Variants in TMEM30A observed in about 807,000 individuals in gnomAD.
TMEM30A encodes cell cycle control protein 50A.
Under a neutral mutation model 38.2 loss-of-function variants are expected in TMEM30A, and 24 were observed. The ratio of observed to expected loss-of-function variants is 0.63; its 90% CI spans 0.46 to 0.88. The LOEUF (loss-of-function observed/expected upper bound fraction) is 0.88. TMEM30A is among the 40% of genes least tolerant of loss of function. TMEM30A has a pLI of 0.00. For synonymous variants in TMEM30A, 145 were observed against 161.6 expected, an observed-to-expected ratio of 0.90 and a Z score of 0.78; for missense variants, 370 against 458.6, an observed-to-expected ratio of 0.81 and a Z score of 1.77.
At position 75,254,860 on chromosome 6, in the gene TMEM30A, C is replaced by G. The variant is rs889820096; in HGVS notation, c.*1242G>C. 6.6e-6 allele frequency: 1 copy of G among 152,446 alleles called. No individual in the cohort carries two copies. The highest frequency in any genetic ancestry group is 2.4e-5 in the African/African-American group (1 of 41,422). 9.4% of individuals were successfully genotyped at this position (152,446 alleles called of 1,614,324 possible). On this transcript the variant is annotated 3_prime_UTR_variant, in exon 7 of 7. Transcript: ENST00000230461. ...AAGTTCCATAGCAAACAAGTTACAGCATTTATTCAATAAGGAATATTAAAA... is the reference window on the plus strand; with the variant it reads ...AAGTTCCATAGCAAACAAGTTACAGGATTTATTCAATAAGGAATATTAAAA...
intron 6 of TMEM30A, among the ~76,000 whole-genome samples, chr6:75,258,426 A>T (rs957380030): frequency 4.6e-5 from 7 of 152,148 alleles, no homozygotes; most frequent in Admixed American, 1.3e-4. Context: ...ATATATTAAA[A>T]CAGCCCAGTA....
In TMEM30A at chr6:75,284,713, C is replaced by A; in HGVS notation, c.-75G>T. On this transcript the variant is annotated 5_prime_UTR_variant, in exon 1 of 7. Coordinates refer to ENST00000230461, the MANE Select transcript of TMEM30A (RefSeq NM_018247.4). ...CCCGCCGGCTGACCCTGACAGGAAC[C>A]GCTCGAGCGCCGCTGCCGCCGCCGC... 1 of 1,496,782 alleles carries A rather than the reference C, an allele frequency of 6.7e-7. No homozygotes were observed. The highest frequency in any genetic ancestry group is 9.2e-7 in the Non-Finnish European group (1 of 1,086,512). The allele number at this position is 1,496,782 out of a possible 1,614,324, so 92.7% of individuals were successfully genotyped here. A position where few individuals can be genotyped will look rare whatever the true frequency, so the allele number is the denominator to read the frequency against.
At chr6:75,284,181 T>C in intron 1 of TMEM30A, 2 of 603,806 alleles carry the variant, frequency 3.3e-6, no homozygotes, top group Non-Finnish European at 2.9e-6. Flanking sequence ...GTGGATTTGC[T>C]CTTTCGTAAA....
chr6:75,263,078 G>C (rs1220692839), intron 3 of TMEM30A, among the ~76,000 whole-genome samples: 6 of 152,176 alleles, frequency 3.9e-5, no homozygotes, highest in Non-Finnish European at 8.8e-5. Flanking sequence ...AGCTGCTTTA[G>C]AATCTATGGT....
In TMEM30A at chr6:75,254,588, A is replaced by C. The variant is rs1562382028; in HGVS notation, c.*1514T>G. The stretch of plus-strand genomic sequence containing the variant: ...GCACATTTCTACTATTAACCATTAC[A>C]TTGTTTTTTGTTTTTTAAAAAAAGT... On this transcript the variant is annotated 3_prime_UTR_variant, in exon 7 of 7. Coordinates refer to ENST00000230461, the MANE Select transcript of TMEM30A (RefSeq NM_018247.4). 1 of 152,052 alleles carries C rather than the reference A, an allele frequency of 6.6e-6. No individual in the cohort carries two copies. The allele number at this position is 152,052 out of a possible 1,614,324, so 9.4% of individuals were successfully genotyped here.
chr6:75,267,122 G>A (rs240394), intron 2 of TMEM30A, among the ~76,000 whole-genome samples: 124,000 of 152,104 alleles, frequency 0.82, 52,221 homozygotes, highest in Non-Finnish European at 0.93. Flanking sequence ...TATTCAGAAT[G>A]GCAGTGTAAA....
chr6:75,272,674 TGA>T (rs1772192678), intron 1 of TMEM30A: 1 of 152,262 alleles, frequency 6.6e-6, no homozygotes, highest in Non-Finnish European at 1.5e-5. Context: ...ACTGCGTTTC[TGA>T]GAGGTCCTCT....
In TMEM30A at chr6:75,265,281, C is replaced by T. The variant is rs897424181; in HGVS notation, c.403G>A (p.Val135Met). 3.1e-6 allele frequency: 5 copies of T among 1,611,408 alleles called. No individual in the cohort carries two copies. Among genetic ancestry groups the T allele is most frequent in the South Asian group, 2.2e-5 (2 of 90,908 alleles). Residue 135 changes from valine to methionine, a missense_variant, in exon 3 of 7, where the codon GTG (valine) becomes ATG (methionine). By Grantham distance (21) the Val-to-Met change is conservative. Coordinates refer to ENST00000230461, the MANE Select transcript of TMEM30A (RefSeq NM_018247.4). Reference sequence around the variant, plus strand: ...AGTTGACTATCATCTCGAGATTTCACGTAACGACGATGGTTTTGATAGAAA... The same window carrying T: ...AGTTGACTATCATCTCGAGATTTCATGTAACGACGATGGTTTTGATAGAAA... ...SNFYQNHRRY[V>M]KSRDDSQLNG... is the part of the protein sequence containing the mutation.
intron 1 of TMEM30A, among the ~76,000 whole-genome samples, chr6:75,269,398 T>G (rs376697131): frequency 2.6e-4 from 39 of 152,358 alleles, no homozygotes; most frequent in African/African-American, 8.4e-4. Context: ...TCATACCATA[T>G]GTACCCTTTT....
intron 1 of TMEM30A, among the ~76,000 whole-genome samples, chr6:75,275,251 C>T (rs996090752): frequency 6.6e-5 from 10 of 152,174 alleles, no homozygotes; most frequent in African/African-American, 2.4e-4. Context: ...ATAAATCACT[C>T]TTATGATTTC....
intron 3 of TMEM30A, among the ~76,000 whole-genome samples, chr6:75,262,652 AAAACAACAAAC>A (rs1292840253): frequency 6.6e-6 from 1 of 152,220 alleles, no homozygotes; most frequent in African/African-American, 2.4e-5. Context: ...CTCAAAAAAA[AAAACAACAAAC>A]AACAACAACA....
intron 3 of TMEM30A, among the ~76,000 whole-genome samples, chr6:75,261,208 G>C (rs1562387300): frequency 6.6e-6 from 1 of 151,992 alleles, no homozygotes; most frequent in Non-Finnish European, 1.5e-5. Flanking sequence ...TACCACAAAG[G>C]GTTTTCTGCC....
At chr6:75,257,765 G>A in intron 6 of TMEM30A, among the ~76,000 whole-genome samples, 1 of 151,956 alleles carries the variant, frequency 6.6e-6, no homozygotes, top group East Asian at 1.9e-4. Context: ...TTTGAAATTG[G>A]GTCTATTAAT....
chr6:75,271,936 T>C (rs1439793242), intron 1 of TMEM30A, among the ~76,000 whole-genome samples: 5 of 151,956 alleles, frequency 3.3e-5, no homozygotes, highest in South Asian at 2.1e-4. Context: ...GCAGCAAAGA[T>C]TTGAACAGAG....
chr6:75,284,733 C>T lies in TMEM30A; in HGVS notation c.-95G>A, dbSNP rs1772437694. The T allele has an allele frequency of 8.0e-7, 1 of 1,245,912 alleles. No homozygotes were observed. The highest frequency in any genetic ancestry group is 1.2e-6 in the Non-Finnish European group (1 of 865,466). 77.2% of individuals were successfully genotyped at this position (1,245,912 alleles called of 1,614,324 possible). A position where few individuals can be genotyped will look rare whatever the true frequency, so the allele number is the denominator to read the frequency against. On this transcript the variant is annotated 5_prime_UTR_variant, in exon 1 of 7. Coordinates refer to ENST00000230461, the MANE Select transcript of TMEM30A (RefSeq NM_018247.4). Reference sequence around the variant, plus strand: ...GGAACCGCTCGAGCGCCGCTGCCGCCGCCGCCGCCGCAGCCACCAGCGCCA... The same window carrying T: ...GGAACCGCTCGAGCGCCGCTGCCGCTGCCGCCGCCGCAGCCACCAGCGCCA...
chr6:75,265,282 G>T lies in TMEM30A; in HGVS notation c.402C>A (p.Tyr134Ter), dbSNP rs370998387. Residue 134 changes from tyrosine (Y) to a stop codon, truncating the protein, a stop_gained, in exon 3 of 7, where the codon TAC becomes TAA. Coordinates refer to ENST00000230461, the MANE Select transcript of TMEM30A (RefSeq NM_018247.4). LOFTEE classifies it high-confidence loss of function. ...GTTGACTATCATCTCGAGATTTCAC[G>T]TAACGACGATGGTTTTGATAGAAAT... is the stretch of plus-strand genomic sequence containing the variant. ...LSNFYQNHRR[Y>*]VKSRDDSQLN... 2.5e-6 allele frequency: 4 copies of T among 1,611,482 alleles called. No homozygotes were observed. The highest frequency in any genetic ancestry group is 3.4e-6 in the Non-Finnish European group (4 of 1,178,730).
intron 2 of TMEM30A, among the ~76,000 whole-genome samples, chr6:75,266,041 CT>C (rs968140049): frequency 1.3e-5 from 2 of 152,082 alleles, no homozygotes; most frequent in African/African-American, 4.8e-5. Flanking sequence ...ATAGCGCCAA[CT>C]TTGAAATAAC....
At chr6:75,277,604 AT>A (rs965409155) in intron 1 of TMEM30A, among the ~76,000 whole-genome samples, 23 of 150,582 alleles carry the variant, frequency 1.5e-4, no homozygotes, top group African/African-American at 5.0e-4. Flanking sequence ...CCCCATCTCT[AT>A]TTTTTTTAAA....
chr6:75,278,456 A>C (rs1216404753), intron 1 of TMEM30A, among the ~76,000 whole-genome samples: 1 of 152,184 alleles, frequency 6.6e-6, no homozygotes, highest in Non-Finnish European at 1.5e-5. Context: ...GTTTTCAAGA[A>C]CCTTCTTTAA....
Sources: gnomAD v4.1 joint callset for allele counts (sites outside exome capture counted in the v4.1 genomes callset) on GRCh38, gnomAD v4.1.1 for gene constraint, MANE v1.5 for transcripts, NCBI Gene and HGNC (gene_info 2026-07-23, HGNC 2026-07-21) for gene names.